AGMO: variants seen among roughly 807,000 people sequenced by gnomAD.
The protein encoded by AGMO is glyceryl-ether monooxygenase.
A neutral mutation model predicts 60.2 loss-of-function variants in AGMO; 75 were observed. That is an observed-to-expected ratio of 1.25 (90% confidence interval 1.03 to 1.51). AGMO has a LOEUF of 1.51. AGMO is among the 40% of genes most tolerant of loss of function. The pLI, the probability that AGMO is intolerant of heterozygous loss-of-function variation, is 0.00. For missense variants in AGMO, 763 were observed against 525.5 expected, an observed-to-expected ratio of 1.45 and a Z score of -4.42; for synonymous variants, 261 against 177.1, an observed-to-expected ratio of 1.47 and a Z score of -3.76.
At chr7:15,560,066 G>A in intron 2 of AGMO, 75 bp downstream of exon 2, 1 of 1,305,346 alleles carries the variant, frequency 7.7e-7, no homozygotes, top group Non-Finnish European at 1.0e-6. Context: ...ATTCTCCCAT[G>A]CATTGGGTTC....
the AGMO span, among the ~76,000 whole-genome samples, chr7:15,123,326 TTAAG>T: frequency 1.3e-5 from 2 of 152,240 alleles, no homozygotes; most frequent in South Asian, 2.1e-4. Flanking sequence ...AGTTTAGCTA[TTAAG>T]TATGTTGCAC....
At chr7:15,253,381 C>T (rs1782997465) in intron 12 of AGMO, among the ~76,000 whole-genome samples, 1 of 150,012 alleles carries the variant, frequency 6.7e-6, no homozygotes, top group African/African-American at 2.5e-5. Flanking sequence ...AGACTATCAG[C>T]TAAAAATGAA....
chr7:15,203,109 G>A (rs897250010), intron 12 of AGMO, among the ~76,000 whole-genome samples: 1 of 152,236 alleles, frequency 6.6e-6, no homozygotes. Flanking sequence ...ATCTCCCTGA[G>A]GGAAGGCTGA....
chr7:15,156,500 G>A, the AGMO span, among the ~76,000 whole-genome samples: 5 of 152,176 alleles, frequency 3.3e-5, no homozygotes, highest in Non-Finnish European at 5.9e-5. Flanking sequence ...CTTAATGCAG[G>A]CTGGAGTTCT....
chr7:15,511,535 A>G (rs1379425913), intron 3 of AGMO, among the ~76,000 whole-genome samples: 1 of 152,150 alleles, frequency 6.6e-6, no homozygotes, highest in Admixed American at 6.5e-5. Flanking sequence ...ACTTGGACTT[A>G]TAAGATGGAT....
At position 15,322,447 on chromosome 7, in the gene AGMO, T is replaced by TATATATATAAATATATATAAATATATAA. The variant is rs1781137928; in HGVS notation, c.1263+43039_1263+43066dup. ...ATACCTGTGTGTGTATATATATAAA[T>TATATATATAAATATATATAAATATATAA]ATATATATAAATATATATAAATATA... On this transcript the variant is annotated intron_variant, in intron 12 of 12. Transcript: ENST00000342526. 1.8e-5 allele frequency among the ~76,000 whole-genome samples: 2 copies of TATATATATAAATATATATAAATATATAA among 111,550 alleles called. 1 individual carries two copies. The highest frequency in any genetic ancestry group is 3.5e-5 in the Non-Finnish European group (2 of 56,706). The allele number at this position is 111,550 out of a possible 152,430, so 73.2% of individuals were successfully genotyped here.
the AGMO span, among the ~76,000 whole-genome samples, chr7:15,128,645 G>A: frequency 2.0e-5 from 3 of 152,002 alleles, no homozygotes; most frequent in Non-Finnish European, 4.4e-5. Context: ...ATATCTGTAT[G>A]TGTATGTGCA....
At chr7:15,190,733 C>T in the AGMO span, among the ~76,000 whole-genome samples, 1 of 151,956 alleles carries the variant, frequency 6.6e-6, no homozygotes, top group African/African-American at 2.4e-5. Context: ...CTGATCAAAA[C>T]AGAAAGAGTT....
chr7:15,333,328 A>C (rs966978374), intron 12 of AGMO, among the ~76,000 whole-genome samples: 1 of 152,174 alleles, frequency 6.6e-6, no homozygotes, highest in African/African-American at 2.4e-5. Context: ...AATAAGGTGC[A>C]CTTATAAATG....
intron 3 of AGMO, among the ~76,000 whole-genome samples, chr7:15,503,228 G>C (rs1473763878): frequency 6.6e-6 from 1 of 151,990 alleles, no homozygotes; most frequent in Non-Finnish European, 1.5e-5. Flanking sequence ...AGAGATGATT[G>C]TTGAACAAAG....
Position 15,416,027 on chromosome 7 carries a change from C to CTTTT in AGMO, c.609+2527_609+2530dup, listed in dbSNP as rs759040945. On this transcript the variant is annotated intron_variant, in intron 5 of 12. Transcript: ENST00000342526. The stretch of plus-strand genomic sequence containing the variant: ...TTGTTTGTTTTTCTTTTCTTTTTTT[C>CTTTT]TTTTTTTTTTTTTTTTTGGAGGTGG... Among the ~76,000 whole-genome samples, 1,147 of 130,878 alleles carry CTTTT rather than the reference C, an allele frequency of 8.8e-3. 1 individual carries two copies. The highest frequency in any genetic ancestry group is 0.016 in the African/African-American group (568 of 35,804). The allele number at this position is 130,878 out of a possible 152,430, so 85.9% of individuals were successfully genotyped here.
chr7:15,376,681 A>C (rs1783467845), intron 10 of AGMO, among the ~76,000 whole-genome samples: 1 of 152,044 alleles, frequency 6.6e-6, no homozygotes. Flanking sequence ...TGCCTTTTCA[A>C]TTTTAGTTTG....
chr7:15,557,859 A>T (rs1785188314), intron 2 of AGMO, among the ~76,000 whole-genome samples: 1 of 152,008 alleles, frequency 6.6e-6, no homozygotes, highest in African/African-American at 2.4e-5. Context: ...TAAAGTTCAT[A>T]ACCTTTTACC....
intron 3 of AGMO, among the ~76,000 whole-genome samples, chr7:15,499,459 T>C (rs1472832139): frequency 6.6e-6 from 1 of 151,910 alleles, no homozygotes; most frequent in Non-Finnish European, 1.5e-5. Context: ...ATTTTTTACC[T>C]ATCAGGCTGG....
At chr7:15,152,236 T>C in the AGMO span, among the ~76,000 whole-genome samples, 1 of 152,170 alleles carries the variant, frequency 6.6e-6, no homozygotes. Flanking sequence ...GTTTTTGTTT[T>C]CTTTTAAAAT....
chr7:15,508,746 T>C (rs1377374191), intron 3 of AGMO, among the ~76,000 whole-genome samples: 1 of 151,946 alleles, frequency 6.6e-6, no homozygotes, highest in African/African-American at 2.4e-5. Context: ...AAAAAAAAAG[T>C]TTTTTTAACA....
chr7:15,362,455 CT>C (rs1367866859), intron 12 of AGMO, among the ~76,000 whole-genome samples: 2 of 152,158 alleles, frequency 1.3e-5, no homozygotes, highest in African/African-American at 4.8e-5. Context: ...TAGTAACACT[CT>C]AATAATGGTA....
At chr7:15,347,856 T>A (rs1782089664) in intron 12 of AGMO, among the ~76,000 whole-genome samples, 2 of 152,158 alleles carry the variant, frequency 1.3e-5, no homozygotes, top group East Asian at 1.9e-4. Flanking sequence ...ACAGTCTGTA[T>A]AAATACTTTA....
At chr7:15,337,182 A>G (rs1199000978) in intron 12 of AGMO, among the ~76,000 whole-genome samples, 1 of 152,176 alleles carries the variant, frequency 6.6e-6, no homozygotes, top group African/African-American at 2.4e-5. Context: ...GGCTTTCTAA[A>G]GTTTGGAGTC....
Sources: gnomAD v4.1 joint callset for allele counts (sites outside exome capture counted in the v4.1 genomes callset) on GRCh38, gnomAD v4.1.1 for gene constraint, MANE v1.5 for transcripts, NCBI Gene and HGNC (gene_info 2026-07-23, HGNC 2026-07-21) for gene names.